The following STOX2 variants were observed in gnomAD, a reference collection of about 807,000 sequenced individuals.
STOX2 encodes the protein storkhead-box protein 2.
Under a neutral mutation model 60.9 loss-of-function variants are expected in STOX2, and 28 were observed. That is an observed-to-expected ratio of 0.46 (90% CI 0.34 to 0.63). STOX2 has a LOEUF of 0.63. Ranked by LOEUF, STOX2 falls within the 30% of genes least tolerant of loss-of-function variation. The probability of loss-of-function intolerance (pLI) is 0.01; values close to 1 mark genes in which losing one functional copy is unlikely to be tolerated. For synonymous variants in STOX2, 472 were observed against 463.9 expected (o/e 1.02, Z -0.22); for missense variants, 1,024 against 1,187.7 (o/e 0.86, Z 2.03).
At chr4:183,948,192 T>A (rs902605686) in intron 1 of STOX2, among the ~76,000 whole-genome samples, 2 of 103,668 alleles carry the variant, frequency 1.9e-5, no homozygotes, top group Non-Finnish European at 3.5e-5. Context: ...CACTCCAGCC[T>A]GGGCAACAAG....
chr4:183,917,109 G>C (rs1168618448), intron 1 of STOX2, among the ~76,000 whole-genome samples: 1 of 152,198 alleles, frequency 6.6e-6, no homozygotes, highest in Non-Finnish European at 1.5e-5. Flanking sequence ...ATGTGTAGCA[G>C]GTACACAGCA....
upstream of STOX2, among the ~76,000 whole-genome samples, chr4:183,902,626 A>G (rs560868992): frequency 6.6e-6 from 1 of 152,306 alleles, no homozygotes; most frequent in South Asian, 2.1e-4. Context: ...TCTTTCCATC[A>G]TAACACAGAT....
intron 1 of STOX2, among the ~76,000 whole-genome samples, chr4:183,884,956 G>A (rs1486051055): frequency 1.3e-5 from 2 of 152,210 alleles, no homozygotes; most frequent in Non-Finnish European, 2.9e-5. Context: ...GCCAAGTACA[G>A]CTGTGTGCCT....
intron 3 of STOX2, chr4:184,015,168 G>A (rs1734317153): frequency 6.6e-6 from 1 of 152,166 alleles, no homozygotes; most frequent in African/African-American, 2.4e-5. Flanking sequence ...TTTTAGAGAT[G>A]AGGAAGTCAG....
At chr4:183,848,078 T>C (rs1740027403) in intron 1 of STOX2, among the ~76,000 whole-genome samples, 1 of 152,146 alleles carries the variant, frequency 6.6e-6, no homozygotes, top group Admixed American at 6.6e-5. Flanking sequence ...GCAGTTCAGG[T>C]ATCTGTTCTA....
At chr4:183,968,160 C>T (rs1743632085) in intron 1 of STOX2, among the ~76,000 whole-genome samples, 2 of 152,132 alleles carry the variant, frequency 1.3e-5, no homozygotes, top group Non-Finnish European at 2.9e-5. Flanking sequence ...GAAATCTAAT[C>T]CAAGGGTTGT....
At chr4:183,981,344 A>C (rs1028990252) in intron 1 of STOX2, among the ~76,000 whole-genome samples, 5 of 152,050 alleles carry the variant, frequency 3.3e-5, no homozygotes, top group African/African-American at 1.2e-4. Context: ...AGTAGAATCT[A>C]ATTGTTTTTC....
intron 1 of STOX2, among the ~76,000 whole-genome samples, chr4:183,834,651 C>A (rs1489190261): frequency 1.3e-5 from 2 of 152,218 alleles, no homozygotes; most frequent in Non-Finnish European, 1.5e-5. Flanking sequence ...CGTGCCTATT[C>A]CATGTTCTTT....
Position 183,865,025 on chromosome 4 carries a change from C to T in STOX2, c.364+66970C>T, listed in dbSNP as rs1454489192. 6.6e-6 allele frequency among the ~76,000 whole-genome samples: 1 copy of T among 152,170 alleles called. No individual in the cohort carries two copies. Among genetic ancestry groups the T allele is most frequent in the Non-Finnish European group, 1.5e-5 (1 of 68,020 alleles). The stretch of plus-strand genomic sequence containing the variant: ...CACAGTTCTCCAAATCCCAGTTACC[C>T]TGGGAACACCTTCCTGACCATCACA... On this transcript the variant is annotated intron_variant, in intron 1 of 2. Coordinates refer to the STOX2 transcript ENST00000513034. The surrounding 1 kb of genome is among the most constrained non-coding windows in gnomAD (Gnocchi z 4.1).
chr4:184,004,468 C>CGGGCGCCTG (rs1733737140), intron 2 of STOX2, among the ~76,000 whole-genome samples: 1 of 152,072 alleles, frequency 6.6e-6, no homozygotes, highest in Non-Finnish European at 1.5e-5. Context: ...GGCTTGGTGG[C>CGGGCGCCTG]GGGCGCCTGT....
intron 1 of STOX2, among the ~76,000 whole-genome samples, chr4:183,875,410 C>T (rs1183258979): frequency 1.3e-5 from 2 of 152,200 alleles, no homozygotes; most frequent in Admixed American, 1.3e-4. Flanking sequence ...AGCACTTCCG[C>T]AGAGGCCAGT....
intron 1 of STOX2, among the ~76,000 whole-genome samples, chr4:183,811,696 T>C (rs1739036620): frequency 6.6e-6 from 1 of 152,240 alleles, no homozygotes; most frequent in African/African-American, 2.4e-5. Context: ...TTCAGTGATA[T>C]GTGACTAATT....
chr4:184,009,930 G>C lies in STOX2; in HGVS notation c.1092G>C (p.Arg364=), dbSNP rs1734066456. The part of the protein sequence containing the change: ...SGRSKKSRTH[R]KSHGKSRSHS... ...GGAGTAAAAAGAGTAGGACTCATCG[G>C]AAGTCCCATGGAAAGTCTCGGTCTC... Residue 364 remains arginine (R), a synonymous_variant, in exon 3 of 4, where the codon CGG becomes CGC. Transcript: ENST00000308497. This position sits in a 1 kb window ranked among gnomAD's most constrained non-coding sequence, Gnocchi z 4.0. 5 of 1,613,326 alleles carry C rather than the reference G, an allele frequency of 3.1e-6. No homozygotes were observed. The highest frequency in any genetic ancestry group is 1.3e-5 in the African/African-American group (1 of 75,044).
At chr4:183,966,020 G>A (rs993609635) in intron 1 of STOX2, among the ~76,000 whole-genome samples, 3 of 151,824 alleles carry the variant, frequency 2.0e-5, no homozygotes, top group African/African-American at 7.3e-5. Flanking sequence ...GAGGCACTGG[G>A]GGTATCTAGG....
chr4:183,862,901 G>A (rs1389035717), intron 1 of STOX2, among the ~76,000 whole-genome samples: 1 of 152,168 alleles, frequency 6.6e-6, no homozygotes, highest in African/African-American at 2.4e-5. Flanking sequence ...CTACAAGGAA[G>A]GCGTGGTTAT....
chr4:183,846,802 G>A (rs1297688637), intron 1 of STOX2, among the ~76,000 whole-genome samples: 1 of 151,526 alleles, frequency 6.6e-6, no homozygotes, highest in Admixed American at 6.6e-5. Flanking sequence ...TTTCCTGTGC[G>A]TGGGTCATAC....
rs906463015 is a variant in STOX2 at position 184,001,557 on chromosome 4, A to G, written c.319+80A>G. On this transcript the variant is annotated intron_variant, in intron 2 of 3. Transcript: ENST00000308497. The surrounding 1 kb of genome is among the most constrained non-coding windows in gnomAD (Gnocchi z 4.2). ...AGGACTCACGTGGACTGTTCTGCCCATGTTTAAAGAGAATAGGAAAACATT... is the reference window on the plus strand; with the variant it reads ...AGGACTCACGTGGACTGTTCTGCCCGTGTTTAAAGAGAATAGGAAAACATT... The G allele has an allele frequency of 1.5e-6, 2 of 1,347,392 alleles. No individual in the cohort carries two copies. Among genetic ancestry groups the G allele is most frequent in the Admixed American group, 4.4e-5 (2 of 45,466 alleles). 83.5% of individuals were successfully genotyped at this position (1,347,392 alleles called of 1,614,324 possible).
Position 183,825,142 on chromosome 4 carries a change from A to T in STOX2, c.364+27087A>T, listed in dbSNP as rs61570110. Among the ~76,000 whole-genome samples, 527 of 152,264 alleles carry T rather than the reference A, an allele frequency of 3.5e-3. 3 individuals carry two copies. The highest frequency in any genetic ancestry group is 0.012 in the African/African-American group (509 of 41,530). The stretch of plus-strand genomic sequence containing the variant: ...AAAAGAGGCAGAGCTAGGACTGAGC[A>T]TCCAAGGTCACCCCATGGTGTCAGG... On this transcript the variant is annotated intron_variant, in intron 1 of 2. Transcript: ENST00000513034. This position sits in a 1 kb window ranked among gnomAD's most constrained non-coding sequence, Gnocchi z 4.1.
intron 1 of STOX2, among the ~76,000 whole-genome samples, chr4:183,837,896 C>T (rs1739754569): frequency 6.6e-6 from 1 of 152,172 alleles, no homozygotes; most frequent in Admixed American, 6.5e-5. Context: ...CACTTTTTGG[C>T]TATGATGCTG....
Sources: gnomAD v4.1 joint callset for allele counts (sites outside exome capture counted in the v4.1 genomes callset) on GRCh38, gnomAD v4.1.1 for gene constraint, Gnocchi (gnomAD v3.1) non-coding constraint, MANE v1.5 for transcripts, NCBI Gene and HGNC (gene_info 2026-07-23, HGNC 2026-07-21) for gene names.